Variants in SVIL observed in about 807,000 individuals in gnomAD.
SVIL encodes the protein archvillin.
SVIL carries 101 observed loss-of-function variants against 240.4 expected under a neutral mutation model. That is an observed-to-expected ratio of 0.42 (90% CI 0.36 to 0.50). The LOEUF (loss-of-function observed/expected upper bound fraction) is 0.50. Among genes scored for constraint, SVIL ranks in the 20% least tolerant of loss-of-function variants. The pLI, the probability that SVIL is intolerant of heterozygous loss-of-function variation, is 0.01. For synonymous variants in SVIL, 999 were observed against 1,100.0 expected, an observed-to-expected ratio of 0.91 and a Z score of 1.82; for missense variants, 2,512 against 2,818.7, an observed-to-expected ratio of 0.89 and a Z score of 2.46.
chr10:29,458,619 G>C (rs1588744521), intron 36 of SVIL, 30 bp from the exon 37 acceptor site: 2 of 1,602,978 alleles, frequency 1.2e-6, no homozygotes, highest in Non-Finnish European at 1.7e-6. Flanking sequence ...AGAGAGGAGA[G>C]CTCGTGTCCT....
intron 17 of SVIL, among the ~76,000 whole-genome samples, chr10:29,505,321 A>G (rs573051172): frequency 3.7e-4 from 56 of 152,082 alleles, no homozygotes; most frequent in African/African-American, 1.3e-3. Flanking sequence ...GTGAAACTCC[A>G]TCTCAAAAAT....
chr10:29,634,824 A>G lies in SVIL; in HGVS notation c.-605T>C, dbSNP rs554413255. ...AAAAAGAACGCCAAAATATTAATAAAAAGAGTCTTCTTTTTGAAGTTTTTC... is the reference window on the plus strand; with the variant it reads ...AAAAAGAACGCCAAAATATTAATAAGAAGAGTCTTCTTTTTGAAGTTTTTC... On this transcript the variant is annotated 5_prime_UTR_variant, in exon 1 of 38. Coordinates refer to ENST00000355867, the MANE Select transcript of SVIL (RefSeq NM_021738.3). The G allele has an allele frequency of 6.6e-6, 1 of 152,286 alleles. No homozygotes were observed. Among genetic ancestry groups the G allele is most frequent in the East Asian group, 1.9e-4 (1 of 5,182 alleles). The allele number at this position is 152,286 out of a possible 1,614,324, so 9.4% of individuals were successfully genotyped here. A position where few individuals can be genotyped will look rare whatever the true frequency, so the allele number is the denominator to read the frequency against.
intron 2 of SVIL, among the ~76,000 whole-genome samples, chr10:29,666,983 T>C (rs1287492107): frequency 6.6e-6 from 1 of 152,088 alleles, no homozygotes; most frequent in Non-Finnish European, 1.5e-5. Context: ...AGGGTGTTAG[T>C]GCTTGAAGGC....
intron 35 of SVIL, among the ~76,000 whole-genome samples, chr10:29,463,287 G>A (rs1353557623): frequency 1.3e-5 from 2 of 152,232 alleles, no homozygotes; most frequent in Non-Finnish European, 2.9e-5. Context: ...TCTTCTTCAT[G>A]CTGGCAGCTG....
chr10:29,639,686 C>T (rs1362331963), upstream of SVIL, among the ~76,000 whole-genome samples: 15 of 152,090 alleles, frequency 9.9e-5, no homozygotes, highest in East Asian at 3.9e-4. Flanking sequence ...AAGCTGGTCT[C>T]GAACTTCTAA....
intron 3 of SVIL, among the ~76,000 whole-genome samples, chr10:29,656,646 C>A (rs1187625558): frequency 6.6e-6 from 1 of 152,200 alleles, no homozygotes; most frequent in Admixed American, 6.5e-5. Context: ...GCTGATTCAA[C>A]ATGATTGCTT....
Position 29,693,504 on chromosome 10 carries a change from G to A in SVIL, c.-399-6853C>T, listed in dbSNP as rs181651704. 1.1e-4 allele frequency among the ~76,000 whole-genome samples: 16 copies of A among 152,224 alleles called. No individual in the cohort carries two copies. The East Asian group carries it at 3.1e-3, about 29-fold the overall frequency. On this transcript the variant is annotated intron_variant, in intron 1 of 35. Transcript: ENST00000375400. The stretch of plus-strand genomic sequence containing the variant: ...AAAATTTAAACTTTGCGTTGAAAGG[G>A]CAGTAAGTTCCTAGAGATGCCTGGA...
chr10:29,567,783 G>A (rs1168087055), intron 2 of SVIL, among the ~76,000 whole-genome samples: 1 of 152,124 alleles, frequency 6.6e-6, no homozygotes, highest in Non-Finnish European at 1.5e-5. Flanking sequence ...TTGGGAGGCC[G>A]AGGTGGGTGG....
chr10:29,589,743 C>A (rs112452960), intron 1 of SVIL, among the ~76,000 whole-genome samples: 1 of 152,158 alleles, frequency 6.6e-6, no homozygotes, highest in Non-Finnish European at 1.5e-5. Flanking sequence ...CTTGATCTAC[C>A]TGGATGTTCT....
At chr10:29,503,294 A>G (rs976444645) in intron 17 of SVIL, among the ~76,000 whole-genome samples, 3 of 152,208 alleles carry the variant, frequency 2.0e-5, no homozygotes, top group African/African-American at 7.2e-5. Context: ...TAAGGCTCAG[A>G]CCTCAAAGTA....
intron 2 of SVIL, among the ~76,000 whole-genome samples, chr10:29,683,915 G>T (rs1960860245): frequency 6.6e-6 from 1 of 152,030 alleles, no homozygotes. Flanking sequence ...ACACTGGTCA[G>T]GAAATATGCT....
rs529375304 is a variant in SVIL, at chr10:29,645,828, G to T, written c.-201+12141C>A. Among the ~76,000 whole-genome samples, 5 of 152,304 alleles carry T rather than the reference G, an allele frequency of 3.3e-5. No homozygotes were observed. The South Asian group carries it at 8.3e-4, about 25-fold the overall frequency. ...CAAGTACAAGTAATTCCCTCCCAAGGATTTATCGAAAGATGGCTGGTAATC... is the reference window on the plus strand; with the variant it reads ...CAAGTACAAGTAATTCCCTCCCAAGTATTTATCGAAAGATGGCTGGTAATC... On this transcript the variant is annotated intron_variant, in intron 3 of 35. Transcript: ENST00000375400.
chr10:29,487,486 C>T lies in SVIL; in HGVS notation c.4349-187G>A, dbSNP rs1588941348. On this transcript the variant is annotated intron_variant, in intron 23 of 37. Transcript: ENST00000355867. ...GGCATGATGATGGCACTAGCGGCTGCTTTCCTGGTTTGTGCTTTCCCAAAT... is the reference window on the plus strand; with the variant it reads ...GGCATGATGATGGCACTAGCGGCTGTTTTCCTGGTTTGTGCTTTCCCAAAT... 13 of 631,842 alleles carry T rather than the reference C, an allele frequency of 2.1e-5. No individual in the cohort carries two copies. The East Asian group carries it at 3.4e-4, about 17-fold the overall frequency. 39.1% of individuals were successfully genotyped at this position (631,842 alleles called of 1,614,324 possible).
intron 1 of SVIL, among the ~76,000 whole-genome samples, chr10:29,718,817 T>C (rs1440065324): frequency 2.0e-5 from 3 of 152,050 alleles, no homozygotes; most frequent in African/African-American, 4.8e-5. Flanking sequence ...CCTGATAGAA[T>C]GGAAAAACTC....
chr10:29,520,915 TC>T (rs1950518496), intron 16 of SVIL, among the ~76,000 whole-genome samples: 1 of 120,608 alleles, frequency 8.3e-6, no homozygotes, highest in Non-Finnish European at 1.8e-5. Flanking sequence ...AGACCATTCC[TC>T]TAAAAAAAAA....
intron 3 of SVIL, among the ~76,000 whole-genome samples, chr10:29,555,746 C>G (rs751702786): frequency 1.3e-5 from 2 of 152,196 alleles, no homozygotes; most frequent in Admixed American, 6.5e-5. Flanking sequence ...GTATTCTAAG[C>G]TTCTATTATG....
chr10:29,723,636 C>T (rs542754838), intron 1 of SVIL, among the ~76,000 whole-genome samples: 2 of 152,228 alleles, frequency 1.3e-5, no homozygotes, highest in South Asian at 4.2e-4. Flanking sequence ...TTCTCTCTTA[C>T]TATGAAATCT....
intron 17 of SVIL, among the ~76,000 whole-genome samples, chr10:29,500,269 C>T (rs185971153): frequency 7.9e-5 from 12 of 152,068 alleles, no homozygotes; most frequent in East Asian, 5.8e-4. Flanking sequence ...GCAGAGTTTG[C>T]TTTTCCTCTG....
chr10:29,526,661 C>T (rs1431321443), intron 13 of SVIL, among the ~76,000 whole-genome samples: 3 of 152,112 alleles, frequency 2.0e-5, no homozygotes, highest in African/African-American at 7.2e-5. Flanking sequence ...AGATGAAGAA[C>T]AAAATTTTTG....
Sources: gnomAD v4.1 joint callset for allele counts (sites outside exome capture counted in the v4.1 genomes callset) on GRCh38, gnomAD v4.1.1 for gene constraint, MANE v1.5 for transcripts, NCBI Gene and HGNC (gene_info 2026-07-23, HGNC 2026-07-21) for gene names.